MBOAT2: variants seen among roughly 807,000 people sequenced by gnomAD.
MBOAT2 encodes the protein membrane bound glycerophospholipid O-acyltransferase 2.
Under a neutral mutation model 63.4 loss-of-function variants are expected in MBOAT2, and 28 were observed. The ratio of observed to expected loss-of-function variants is 0.44; its 90% CI spans 0.33 to 0.61. The LOEUF (loss-of-function observed/expected upper bound fraction) is 0.61. Among genes scored for constraint, MBOAT2 ranks in the 20% least tolerant of loss-of-function variants. The probability of loss-of-function intolerance (pLI) is 0.03; values close to 1 mark genes in which losing one functional copy is unlikely to be tolerated. For synonymous variants in MBOAT2, 211 were observed against 215.6 expected (o/e 0.98, Z 0.19); for missense variants, 470 against 605.8 (o/e 0.78, Z 2.35).
At chr2:8,919,533 T>A (rs958004691) in intron 3 of MBOAT2, among the ~76,000 whole-genome samples, 3 of 152,182 alleles carry the variant, frequency 2.0e-5, no homozygotes, top group Non-Finnish European at 4.4e-5. Flanking sequence ...GGCCATGAAA[T>A]GTGTAACTAG....
At chr2:8,937,388 T>A (rs888919395) in intron 3 of MBOAT2, among the ~76,000 whole-genome samples, 7 of 152,304 alleles carry the variant, frequency 4.6e-5, no homozygotes, top group African/African-American at 1.7e-4. Context: ...ACTGACTATA[T>A]TCAGAAAACA....
At chr2:8,996,506 C>G (rs192988819) in intron 1 of MBOAT2, among the ~76,000 whole-genome samples, 2 of 152,284 alleles carry the variant, frequency 1.3e-5, no homozygotes, top group East Asian at 3.9e-4. Context: ...TAGACCCCAG[C>G]AGGAGATGAG....
intron 6 of MBOAT2, among the ~76,000 whole-genome samples, chr2:8,879,075 CA>C (rs58971939): frequency 0.031 from 1,835 of 58,976 alleles, 14 homozygotes; most frequent in South Asian, 0.086. Context: ...GACTCCGTCT[CA>C]AAAAAAAAAA....
Position 8,854,666 on chromosome 2 carries a change from T to C in MBOAT2, c.*4013A>G, listed in dbSNP as rs1660971077. On this transcript the variant is annotated 3_prime_UTR_variant, in exon 13 of 13. Transcript: ENST00000305997. ...GATAAGGAAACAAAAAAAGTATAAA[T>C]GTCCAGATTTGTTCATGAATATACA... The C allele has an allele frequency of 6.6e-6, 1 of 152,216 alleles. No individual in the cohort carries two copies. Among genetic ancestry groups the C allele is most frequent in the South Asian group, 2.1e-4 (1 of 4,832 alleles). 9.4% of individuals were successfully genotyped at this position (152,216 alleles called of 1,614,324 possible). A position where few individuals can be genotyped will look rare whatever the true frequency, so the allele number is the denominator to read the frequency against.
chr2:8,889,525 G>C (rs755200944), intron 4 of MBOAT2, among the ~76,000 whole-genome samples: 8 of 152,132 alleles, frequency 5.3e-5, no homozygotes, highest in Non-Finnish European at 7.3e-5. Flanking sequence ...CCCCCAGGTG[G>C]CTTGGAACAC....
chr2:8,909,065 G>A (rs1332366030), intron 3 of MBOAT2, among the ~76,000 whole-genome samples: 1 of 151,990 alleles, frequency 6.6e-6, no homozygotes, highest in Non-Finnish European at 1.5e-5. Flanking sequence ...AAAAATATTT[G>A]GCTAAGGTAT....
chr2:8,899,616 G>A (rs1664760363), intron 4 of MBOAT2, among the ~76,000 whole-genome samples: 1 of 152,230 alleles, frequency 6.6e-6, no homozygotes, highest in Non-Finnish European at 1.5e-5. Context: ...ATGGAGCAGT[G>A]CACCTTCCAG....
intron 4 of MBOAT2, among the ~76,000 whole-genome samples, chr2:8,894,614 T>G (rs1288903001): frequency 6.6e-6 from 1 of 152,244 alleles, no homozygotes; most frequent in Non-Finnish European, 1.5e-5. Context: ...AAAGGAGTGA[T>G]GGACATGACA....
chr2:8,927,204 AC>A (rs1333146446), intron 3 of MBOAT2, among the ~76,000 whole-genome samples: 1 of 151,500 alleles, frequency 6.6e-6, no homozygotes, highest in African/African-American at 2.4e-5. Context: ...CAGACCATCA[AC>A]CCCCATCTCC....
intron 12 of MBOAT2, 144 bp from the exon 13 acceptor site, chr2:8,859,048 A>G: frequency 1.5e-6 from 1 of 665,640 alleles, no homozygotes; most frequent in Non-Finnish European, 2.5e-6. Flanking sequence ...TTTCCCCCTC[A>G]GGAGAAGAAA....
chr2:8,869,576 T>C (rs1662165363), intron 8 of MBOAT2, among the ~76,000 whole-genome samples: 1 of 152,196 alleles, frequency 6.6e-6, no homozygotes, highest in African/African-American at 2.4e-5. Flanking sequence ...TGTTTTATTG[T>C]TTATTAGTGC....
intron 5 of MBOAT2, among the ~76,000 whole-genome samples, chr2:8,885,636 C>T (rs1271598590): frequency 1.3e-5 from 2 of 152,176 alleles, no homozygotes; most frequent in Non-Finnish European, 2.9e-5. Flanking sequence ...AACATGCCAG[C>T]AGGTTATTTT....
intron 1 of MBOAT2, among the ~76,000 whole-genome samples, chr2:8,973,099 G>C (rs1670566753): frequency 6.6e-6 from 1 of 152,136 alleles, no homozygotes; most frequent in Non-Finnish European, 1.5e-5. Flanking sequence ...ATTCACAATA[G>C]CAAAGACTTG....
intron 1 of MBOAT2, among the ~76,000 whole-genome samples, chr2:8,969,484 T>A (rs1233653574): frequency 2.0e-5 from 3 of 152,178 alleles, no homozygotes; most frequent in African/African-American, 7.2e-5. Context: ...AATAACCAGC[T>A]AACATCTTAA....
At position 8,854,054 on chromosome 2, in the gene MBOAT2, A is replaced by G. The variant is rs912316347; in HGVS notation, c.*4625T>C. 10 of 152,266 alleles carry G rather than the reference A, an allele frequency of 6.6e-5. No individual in the cohort carries two copies. The highest frequency in any genetic ancestry group is 2.2e-4 in the African/African-American group (9 of 41,476). The allele number at this position is 152,266 out of a possible 1,614,324, so 9.4% of individuals were successfully genotyped here. On this transcript the variant is annotated 3_prime_UTR_variant, in exon 13 of 13. Transcript: ENST00000305997. ...TCAAAAAGCAGCTTAAGCATTGATT[A>G]TAAGAGCTTTCCTACAAAATACCGA...
chr2:8,916,117 T>G lies in MBOAT2; in HGVS notation c.300-7401A>C, dbSNP rs76803515. ...ATCTTTAGCTTACAAGGAGCTAGCC[T>G]GAGGACAAAGTCAATATGCTGAGAT... On this transcript the variant is annotated intron_variant, in intron 3 of 12. Coordinates refer to ENST00000305997, the MANE Select transcript of MBOAT2 (RefSeq NM_138799.4). Among the ~76,000 whole-genome samples the G allele has an allele frequency of 3.7e-3, 563 of 152,300 alleles. 6 individuals are homozygous for G. Among genetic ancestry groups the G allele is most frequent in the African/African-American group, 0.013 (540 of 41,554 alleles).
intron 1 of MBOAT2, among the ~76,000 whole-genome samples, chr2:8,965,152 T>G (rs1669895149): frequency 6.6e-6 from 1 of 152,208 alleles, no homozygotes; most frequent in South Asian, 2.1e-4. Context: ...TTGGTTTAGT[T>G]TTTTTAAAAA....
intron 3 of MBOAT2, among the ~76,000 whole-genome samples, chr2:8,927,968 C>G (rs920207098): frequency 2.0e-5 from 3 of 152,024 alleles, no homozygotes; most frequent in African/African-American, 7.2e-5. Context: ...GGGGAGGTCT[C>G]GGGAAGCTTA....
chr2:8,881,076 G>A lies in MBOAT2; in HGVS notation c.506+1435C>T, dbSNP rs1382608151. ...TGGCCCAACAGAGAGGGAGAAATCA[G>A]TGAGTGAACAGGCAGGAGTAACTGA... On this transcript the variant is annotated intron_variant, in intron 6 of 12. Coordinates refer to ENST00000305997, the MANE Select transcript of MBOAT2 (RefSeq NM_138799.4). 2.0e-5 allele frequency among the ~76,000 whole-genome samples: 3 copies of A among 152,206 alleles called. No individual in the cohort carries two copies. In the East Asian group the frequency reaches 5.8e-4, roughly 29 times the overall value.
Sources: gnomAD v4.1 joint callset for allele counts (sites outside exome capture counted in the v4.1 genomes callset) on GRCh38, gnomAD v4.1.1 for gene constraint, MANE v1.5 for transcripts, NCBI Gene and HGNC (gene_info 2026-07-23, HGNC 2026-07-21) for gene names.